The following ITSN1 variants were observed in gnomAD, a reference collection of about 807,000 sequenced individuals.
ITSN1 encodes intersectin 1, also known as intersectin-1.
Under a neutral mutation model 239.8 loss-of-function variants are expected in ITSN1, and 58 were observed. The ratio of observed to expected loss-of-function variants is 0.24; its 90% CI spans 0.20 to 0.30. The LOEUF (loss-of-function observed/expected upper bound fraction) is 0.30, where lower values mean the gene tolerates loss of function less well. ITSN1 is among the 10% of genes least tolerant of loss of function. The pLI is 1.00. For synonymous variants in ITSN1, 780 were observed against 770.8 expected, an observed-to-expected ratio of 1.01 and a Z score of -0.20; for missense variants, 1,558 against 2,103.3, an observed-to-expected ratio of 0.74 and a Z score of 5.07.
chr21:33,666,786 T>C (rs774770553), intron 1 of ITSN1, among the ~76,000 whole-genome samples: 12 of 152,196 alleles, frequency 7.9e-5, no homozygotes, highest in Non-Finnish European at 1.6e-4. Context: ...TTGAGAGTTA[T>C]TTGCTTTTCA....
rs768966402 is a variant in ITSN1 at position 33,813,969 on chromosome 21, C to T, written c.2624C>T (p.Ala875Val). The change falls in exon 22 of 40, where the codon GCC becomes GTC. Residue 875 changes from alanine to valine, a missense_variant. Ala to Val is a moderately conservative substitution (Grantham distance 64). Transcript: ENST00000381318. ...ACGGATAACTGGGATGCATGGGCAG[C>T]CCAGCCCTCTCTCACCGTTCCAAGT... ...PETDNWDAWA[A>V]QPSLTVPSAG... The T allele has an allele frequency of 1.2e-6, 2 of 1,614,080 alleles. No individual in the cohort carries two copies. Among genetic ancestry groups the T allele is most frequent in the Non-Finnish European group, 1.7e-6 (2 of 1,180,022 alleles).
intron 2 of ITSN1, among the ~76,000 whole-genome samples, chr21:33,719,769 T>C (rs2065376017): frequency 6.6e-6 from 1 of 152,224 alleles, no homozygotes; most frequent in Non-Finnish European, 1.5e-5. Context: ...AAACTAAACA[T>C]AAGTTTGAAA....
At chr21:33,821,649 C>T (rs2073683679) in intron 24 of ITSN1, among the ~76,000 whole-genome samples, 1 of 152,134 alleles carries the variant, frequency 6.6e-6, no homozygotes, top group Non-Finnish European at 1.5e-5. Context: ...GCAAGGCAGG[C>T]AGGGCAAGGC....
In ITSN1 at chr21:33,812,218, G is replaced by A. The variant is rs553949562; in HGVS notation, c.2567+996G>A. ...TTTCCTTACTCTTTTGGTCTTGACT[G>A]AAAAGTTCTGAGTTTTTAAACTAAA... On this transcript the variant is annotated intron_variant, in intron 21 of 39. Transcript: ENST00000381318. Among the ~76,000 whole-genome samples the A allele has an allele frequency of 4.6e-5, 7 of 152,288 alleles. No homozygotes were observed. In the South Asian group the frequency reaches 1.5e-3, roughly 32 times the overall value.
intron 28 of ITSN1, among the ~76,000 whole-genome samples, chr21:33,835,895 C>T (rs1001292523): frequency 2.6e-5 from 4 of 152,190 alleles, no homozygotes; most frequent in Admixed American, 2.6e-4. Context: ...CGTGCCACTG[C>T]ACTCCAGCGT....
rs770077233 is a variant in ITSN1 at position 33,897,037 on chromosome 21, G to A, written c.*8737G>A. The A allele has an allele frequency of 1.3e-4, 20 of 152,180 alleles. No individual in the cohort carries two copies. Among genetic ancestry groups the A allele is most frequent in the East Asian group, 5.8e-4 (3 of 5,204 alleles). The allele number at this position is 152,180 out of a possible 1,614,324, so 9.4% of individuals were successfully genotyped here. On this transcript the variant is annotated 3_prime_UTR_variant, in exon 40 of 40. Coordinates refer to ENST00000381318, the MANE Select transcript of ITSN1 (RefSeq NM_003024.3). ...TCTCCAGGGGCATTTCATTAATAGC[G>A]TGTCAGCATTAGTTTTAATGAATGA...
At chr21:33,751,947 C>T (rs533568447) in intron 7 of ITSN1, 41 bp downstream of exon 7, 265 of 1,282,952 alleles carry the variant, frequency 2.1e-4, no homozygotes, top group Non-Finnish European at 2.8e-4. Flanking sequence ...TGGTTAAGGC[C>T]ATTACCTGAT....
chr21:33,714,425 T>C (rs2092509425), intron 1 of ITSN1, among the ~76,000 whole-genome samples: 1 of 152,170 alleles, frequency 6.6e-6, no homozygotes, highest in Non-Finnish European at 1.5e-5. Context: ...TGAAGGCTTT[T>C]GGAGGGTAGA....
chr21:33,684,993 G>A (rs948312063), intron 1 of ITSN1, among the ~76,000 whole-genome samples: 2 of 152,094 alleles, frequency 1.3e-5, no homozygotes, highest in South Asian at 2.1e-4. Flanking sequence ...ACAAAAGAAA[G>A]GAGAGTAGTA....
In ITSN1 at chr21:33,866,943, A is replaced by C. The variant is rs372436252; in HGVS notation, c.4075-290A>C. Among the ~76,000 whole-genome samples the C allele has an allele frequency of 1.1e-4, 16 of 152,310 alleles. No homozygotes were observed. In the East Asian group the frequency reaches 1.9e-3, roughly 18 times the overall value. On this transcript the variant is annotated intron_variant, in intron 32 of 39. Transcript: ENST00000381318. Reference sequence around the variant, plus strand: ...ACGAAATATTCTGTGTAAAGCCAGAATCTCATCTCTGTGCATAAGGAACCA... The same window carrying C: ...ACGAAATATTCTGTGTAAAGCCAGACTCTCATCTCTGTGCATAAGGAACCA...
intron 38 of ITSN1, 132 bp from the exon 39 acceptor site, chr21:33,886,155 T>G: frequency 1.5e-6 from 1 of 667,564 alleles, no homozygotes; most frequent in Non-Finnish European, 2.5e-6. Flanking sequence ...GAGGTTGCAA[T>G]GAGCTGAGAT....
intron 34 of ITSN1, among the ~76,000 whole-genome samples, chr21:33,878,463 T>C (rs112228259): frequency 9.9e-5 from 15 of 152,222 alleles, no homozygotes; most frequent in African/African-American, 2.7e-4. Flanking sequence ...CACACATACA[T>C]ACATGCATGT....
chr21:33,823,336 T>G, intron 24 of ITSN1, 151 bp from the exon 25 acceptor site: 1 of 645,212 alleles, frequency 1.5e-6, no homozygotes, highest in Non-Finnish European at 2.6e-6. Context: ...GCCCAGGGCA[T>G]TCTGCAGCTC....
intron 34 of ITSN1, among the ~76,000 whole-genome samples, 176 bp downstream of exon 34, chr21:33,875,697 T>C (rs1983619641): frequency 6.6e-6 from 1 of 152,238 alleles, no homozygotes; most frequent in Non-Finnish European, 1.5e-5. Flanking sequence ...ATTTATTTAT[T>C]TGAGATAGAG....
chr21:33,735,110 T>A lies in ITSN1; in HGVS notation c.252T>A (p.Leu84=). ...TGGAGTTTTCCATAGCTATGAAACT[T>A]ATCAAACTGAAGCTACAAGGATATC... ...DQVEFSIAMK[L]IKLKLQGYQL... Residue 84 remains leucine (L), a synonymous_variant, in exon 5 of 40, where the codon CTT becomes CTA. Transcript: ENST00000381318. The A allele has an allele frequency of 6.2e-7, 1 of 1,613,940 alleles. No individual in the cohort carries two copies. Among genetic ancestry groups the A allele is most frequent in the Non-Finnish European group, 8.5e-7 (1 of 1,179,862 alleles).
intron 1 of ITSN1, among the ~76,000 whole-genome samples, chr21:33,690,775 G>A (rs1410655149): frequency 8.8e-4 from 19 of 21,620 alleles, no homozygotes; most frequent in South Asian, 4.5e-3. Flanking sequence ...AAAAAAAAGT[G>A]TATATATATA....
At chr21:33,824,653 G>T (rs1215698358) in intron 25 of ITSN1, among the ~76,000 whole-genome samples, 1 of 152,206 alleles carries the variant, frequency 6.6e-6, no homozygotes, top group Admixed American at 6.5e-5. Context: ...ACTCGGAGCT[G>T]CTCTGGGAGC....
intron 4 of ITSN1, among the ~76,000 whole-genome samples, chr21:33,727,821 G>A (rs1261177536): frequency 2.6e-5 from 4 of 151,840 alleles, no homozygotes; most frequent in Non-Finnish European, 5.9e-5. Flanking sequence ...TTGCATTTAC[G>A]GACTTTATCC....
chr21:33,709,752 A>G (rs1436559689), intron 1 of ITSN1, among the ~76,000 whole-genome samples: 1 of 152,120 alleles, frequency 6.6e-6, no homozygotes, highest in African/African-American at 2.4e-5. Context: ...CACTTATTGA[A>G]TATAGTTATT....
Sources: gnomAD v4.1 joint callset for allele counts (sites outside exome capture counted in the v4.1 genomes callset) on GRCh38, gnomAD v4.1.1 for gene constraint, MANE v1.5 for transcripts, NCBI Gene and HGNC (gene_info 2026-07-23, HGNC 2026-07-21) for gene names.